The following METTL25 variants were observed in gnomAD, a reference collection of about 807,000 sequenced individuals.
METTL25 encodes methyltransferase like 25, also known as probable methyltransferase-like protein 25.
In METTL25, 64 loss-of-function variants were observed where a neutral mutation model predicts 71.6. That is an observed-to-expected ratio of 0.89 (90% CI 0.73 to 1.10). The LOEUF is 1.10. Among genes scored for constraint, METTL25 ranks in the 50% least tolerant of loss-of-function variants. The probability of loss-of-function intolerance (pLI) is 0.00; values close to 1 mark genes in which losing one functional copy is unlikely to be tolerated. For synonymous variants in METTL25, 287 were observed against 250.3 expected (o/e 1.15, Z -1.38); for missense variants, 807 against 707.0 (o/e 1.14, Z -1.60).
intron 10 of METTL25, 148 bp from the exon 11 acceptor site, chr12:82,477,133 T>C (rs1052605255): frequency 2.1e-5 from 10 of 467,710 alleles, no homozygotes; most frequent in Non-Finnish European, 3.8e-5. Context: ...CTCTGAAATA[T>C]TCATTTTCTG....
intron 5 of METTL25, among the ~76,000 whole-genome samples, chr12:82,419,013 C>G (rs2137090549): frequency 6.6e-6 from 1 of 152,198 alleles, no homozygotes; most frequent in South Asian, 2.1e-4. Context: ...TTAATGTCAA[C>G]AAGGGATGGT....
intron 3 of METTL25, among the ~76,000 whole-genome samples, chr12:82,397,957 A>G (rs1886227568): frequency 6.6e-6 from 1 of 151,764 alleles, no homozygotes; most frequent in South Asian, 2.1e-4. Flanking sequence ...TATTTTAGGC[A>G]TTTTTGCCTT....
Position 82,441,199 on chromosome 12 carries a change from T to C in METTL25, c.1478+2408T>C, listed in dbSNP as rs1003214619. Among the ~76,000 whole-genome samples, 12 of 151,976 alleles carry C rather than the reference T, an allele frequency of 7.9e-5. 1 individual carries two copies. Among genetic ancestry groups the C allele is most frequent in the Admixed American group, 5.9e-4 (9 of 15,212 alleles). On this transcript the variant is annotated intron_variant, in intron 8 of 11. Coordinates refer to ENST00000248306, the MANE Select transcript of METTL25 (RefSeq NM_032230.3). ...ATTATCTCAAGCTGCAATTAAAGTA[T>C]TTCAGATTATTGCTTCTGCTAGCTG...
intron 1 of METTL25, among the ~76,000 whole-genome samples, chr12:82,386,446 C>G (rs866722844): frequency 1.6e-5 from 2 of 127,510 alleles, no homozygotes; most frequent in Non-Finnish European, 1.7e-5. Context: ...TCCCTCCCTC[C>G]CTCCCTCCCT....
At chr12:82,450,714 T>G (rs1891079988) in intron 8 of METTL25, among the ~76,000 whole-genome samples, 1 of 152,158 alleles carries the variant, frequency 6.6e-6, no homozygotes, top group Non-Finnish European at 1.5e-5. Context: ...TTTGTTCATG[T>G]CTGTGCCAGA....
Position 82,358,635 on chromosome 12 carries a change from C to G in METTL25, c.70C>G (p.Leu24Val), listed in dbSNP as rs1565788328. The G allele has an allele frequency of 6.2e-7, 1 of 1,614,082 alleles. No homozygotes were observed. The highest frequency in any genetic ancestry group is 1.1e-5 in the South Asian group (1 of 91,092). The change falls in exon 1 of 12, where the codon CTG becomes GTG. Residue 24 changes from leucine (L) to valine (V), a missense_variant. Leu to Val is a conservative substitution (Grantham distance 32, BLOSUM62 1). Coordinates refer to ENST00000248306, the MANE Select transcript of METTL25 (RefSeq NM_032230.3). Reference sequence around the variant, plus strand: ...GCTGCGTGCCAAGTTGCAGGGACTGCTGCAGTTCCTGAGGGATGCCCTGTC... The same window carrying G: ...GCTGCGTGCCAAGTTGCAGGGACTGGTGCAGTTCCTGAGGGATGCCCTGTC... ...PTLRAKLQGLLQFLRDALSIS... is the reference protein window; with the variant it reads ...PTLRAKLQGLVQFLRDALSIS...
At chr12:82,460,891 C>A (rs1174980146) in intron 9 of METTL25, among the ~76,000 whole-genome samples, 1 of 152,186 alleles carries the variant, frequency 6.6e-6, no homozygotes, top group Non-Finnish European at 1.5e-5. Context: ...CGCCTGTAAT[C>A]CCAGCACTTT....
At chr12:82,411,412 C>G (rs949063276) in intron 5 of METTL25, among the ~76,000 whole-genome samples, 5 of 151,906 alleles carry the variant, frequency 3.3e-5, no homozygotes, top group African/African-American at 1.2e-4. Context: ...ATAGGAAACA[C>G]TAAGGGAGAA....
chr12:82,362,624 C>T (rs991934714), intron 1 of METTL25, among the ~76,000 whole-genome samples: 1 of 152,104 alleles, frequency 6.6e-6, no homozygotes. Context: ...CAGTATTTGG[C>T]TTTTATTCTG....
chr12:82,425,477 G>A (rs535697420), intron 5 of METTL25, among the ~76,000 whole-genome samples: 2 of 152,120 alleles, frequency 1.3e-5, no homozygotes, highest in African/African-American at 2.4e-5. Flanking sequence ...AGAAAGAATG[G>A]CATTATGGAA....
intron 1 of METTL25, among the ~76,000 whole-genome samples, chr12:82,363,486 ATC>A (rs2136802441): frequency 6.6e-6 from 1 of 152,330 alleles, no homozygotes; most frequent in Non-Finnish European, 1.5e-5. Context: ...CCAAATCTTT[ATC>A]TGACTGCTAA....
chr12:82,477,473 A>C (rs927554365), intron 11 of METTL25, 121 bp downstream of exon 11: 7 of 467,398 alleles, frequency 1.5e-5, no homozygotes, highest in African/African-American at 1.4e-4. Flanking sequence ...TTCTCATTAT[A>C]TTTTCATAGT....
At chr12:82,406,682 T>C (rs1181367921) in intron 5 of METTL25, among the ~76,000 whole-genome samples, 1 of 152,204 alleles carries the variant, frequency 6.6e-6, no homozygotes, top group Non-Finnish European at 1.5e-5. Flanking sequence ...AGTGTTCATC[T>C]TTGTTTTCTT....
At chr12:82,428,039 G>A (rs927389706) in intron 5 of METTL25, among the ~76,000 whole-genome samples, 1 of 151,900 alleles carries the variant, frequency 6.6e-6, no homozygotes, top group Non-Finnish European at 1.5e-5. Flanking sequence ...TACTGCTCTT[G>A]TTTGCATGGT....
chr12:82,430,832 T>C (rs1889421091), intron 5 of METTL25, 61 bp from the exon 6 acceptor site: 1 of 905,676 alleles, frequency 1.1e-6, no homozygotes, highest in Admixed American at 2.3e-5. Context: ...GTAGATTATT[T>C]ATTTTAACTG....
intron 9 of METTL25, among the ~76,000 whole-genome samples, chr12:82,470,646 A>G (rs1892518815): frequency 6.6e-6 from 1 of 152,186 alleles, no homozygotes; most frequent in African/African-American, 2.4e-5. Context: ...CATTGCAAGT[A>G]TTATAGTGTT....
intron 1 of METTL25, among the ~76,000 whole-genome samples, chr12:82,380,589 T>C (rs1211253017): frequency 6.6e-6 from 1 of 152,042 alleles, no homozygotes; most frequent in Non-Finnish European, 1.5e-5. Context: ...AGAAATTGAG[T>C]CTTAGAGCAG....
intron 5 of METTL25, among the ~76,000 whole-genome samples, chr12:82,423,935 C>A (rs7968677): frequency 1.3e-5 from 2 of 152,128 alleles, no homozygotes; most frequent in African/African-American, 4.8e-5. Context: ...TACACTGTTG[C>A]TGGGACTGTA....
intron 5 of METTL25, among the ~76,000 whole-genome samples, chr12:82,419,533 C>T (rs1888283587): frequency 6.6e-6 from 1 of 151,964 alleles, no homozygotes; most frequent in African/African-American, 2.4e-5. Flanking sequence ...GGACAATGTG[C>T]CTGGCCATGC....
Sources: gnomAD v4.1 joint callset for allele counts (sites outside exome capture counted in the v4.1 genomes callset) on GRCh38, gnomAD v4.1.1 for gene constraint, MANE v1.5 for transcripts, NCBI Gene and HGNC (gene_info 2026-07-23, HGNC 2026-07-21) for gene names.